The following FRMD4A variants were observed in gnomAD, a reference collection of about 807,000 sequenced individuals.
FRMD4A encodes the protein FERM domain containing 4A.
FRMD4A carries 29 observed loss-of-function variants against 129.1 expected under a neutral mutation model. The observed-to-expected ratio is 0.22, with a 90% CI of 0.17 to 0.31. The LOEUF is 0.31. Among genes scored for constraint, FRMD4A ranks in the 10% least tolerant of loss-of-function variants. The pLI is 1.00. For synonymous variants in FRMD4A, 634 were observed against 571.6 expected, an observed-to-expected ratio of 1.11 and a Z score of -1.56; for missense variants, 1,272 against 1,375.8, an observed-to-expected ratio of 0.92 and a Z score of 1.19.
intron 2 of FRMD4A, 69 bp from the exon 3 acceptor site, chr10:13,858,981 C>T (rs1347158843): frequency 2.3e-5 from 21 of 918,406 alleles, no homozygotes; most frequent in East Asian, 1.2e-4. Context: ...GGGTCGCCGA[C>T]GCTGCACTCT....
chr10:13,998,489 C>G (rs989328639), intron 2 of FRMD4A, among the ~76,000 whole-genome samples: 3 of 152,186 alleles, frequency 2.0e-5, no homozygotes, highest in African/African-American at 7.2e-5. Flanking sequence ...TTTTAACATC[C>G]TACTGTATAT....
At chr10:13,858,751 C>G in intron 3 of FRMD4A, 96 bp downstream of exon 3, 1 of 790,296 alleles carries the variant, frequency 1.3e-6, no homozygotes, top group Non-Finnish European at 2.3e-6. Flanking sequence ...GATTTAAAAA[C>G]AGTTTACCAA....
intron 2 of FRMD4A, among the ~76,000 whole-genome samples, chr10:14,155,990 T>TACAATA (rs1389761580): frequency 4.2e-4 from 64 of 152,314 alleles, no homozygotes; most frequent in African/African-American, 1.5e-3. Flanking sequence ...ATAGTAAATG[T>TACAATA]TAGGACACCT....
intron 2 of FRMD4A, among the ~76,000 whole-genome samples, chr10:14,209,158 G>A (rs929321582): frequency 4.6e-5 from 7 of 151,824 alleles, no homozygotes; most frequent in Admixed American, 1.3e-4. Flanking sequence ...CTCTGCTGCC[G>A]TCTTCACATG....
rs115966803 is a variant in FRMD4A, at chr10:13,713,208, C to T, written c.760-6095G>A. Among the ~76,000 whole-genome samples, 261 of 152,316 alleles carry T rather than the reference C, an allele frequency of 1.7e-3. 1 individual carries two copies. The highest frequency in any genetic ancestry group is 5.9e-3 in the African/African-American group (247 of 41,566). On this transcript the variant is annotated intron_variant, in intron 12 of 24. Transcript: ENST00000357447. ...GGGCTATTACACAGAATCACAGCAG[C>T]CATCTGGTCCACCTCCTCCTTGCAC...
At chr10:13,674,830 A>G in intron 16 of FRMD4A, 81 bp downstream of exon 16, 1 of 1,444,566 alleles carries the variant, frequency 6.9e-7, no homozygotes, top group Non-Finnish European at 9.7e-7. Context: ...AAATGACATC[A>G]AAAAGATCAA....
At chr10:14,156,241 G>C (rs957503143) in intron 2 of FRMD4A, among the ~76,000 whole-genome samples, 1 of 152,052 alleles carries the variant, frequency 6.6e-6, no homozygotes, top group Non-Finnish European at 1.5e-5. Flanking sequence ...CACCCATGAT[G>C]AGTGAATTAC....
intron 2 of FRMD4A, among the ~76,000 whole-genome samples, chr10:14,321,975 C>T (rs1349188977): frequency 6.6e-6 from 1 of 152,162 alleles, no homozygotes; most frequent in Non-Finnish European, 1.5e-5. Flanking sequence ...CTCCTGCTCC[C>T]ACCATGCAAG....
intron 8 of FRMD4A, among the ~76,000 whole-genome samples, chr10:13,760,870 CT>C (rs34812449): frequency 0.34 from 48,313 of 143,932 alleles, 8,444 homozygotes; most frequent in African/African-American, 0.47. Context: ...CTACCCTGGC[CT>C]TTTTTTTTTT....
chr10:14,066,342 C>T (rs1011638360), intron 2 of FRMD4A, among the ~76,000 whole-genome samples: 1 of 151,444 alleles, frequency 6.6e-6, no homozygotes, highest in Non-Finnish European at 1.5e-5. Flanking sequence ...GTTGTCCACA[C>T]AGGGAAGGGG....
At chr10:13,794,871 T>G (rs771651334) in intron 5 of FRMD4A, among the ~76,000 whole-genome samples, 3 of 152,224 alleles carry the variant, frequency 2.0e-5, no homozygotes, top group Non-Finnish European at 2.9e-5. Flanking sequence ...TAGCACCTAT[T>G]TAACCTCTGC....
At chr10:13,814,932 G>A (rs7084401) in intron 3 of FRMD4A, among the ~76,000 whole-genome samples, 57,263 of 151,770 alleles carry the variant, frequency 0.38, 10,936 homozygotes, top group Middle Eastern at 0.45. Flanking sequence ...GCCAATAGGT[G>A]TTGAATATTT....
chr10:13,844,544 T>A (rs1318784629), intron 3 of FRMD4A, among the ~76,000 whole-genome samples: 1 of 152,194 alleles, frequency 6.6e-6, no homozygotes, highest in African/African-American at 2.4e-5. Context: ...CACTTTATTG[T>A]AGTAACATAT....
chr10:13,764,466 A>T (rs2092204490), intron 6 of FRMD4A, among the ~76,000 whole-genome samples: 1 of 151,872 alleles, frequency 6.6e-6, no homozygotes, highest in Non-Finnish European at 1.5e-5. Context: ...TAATCATGCC[A>T]CTACACTCCA....
At chr10:14,026,296 A>T (rs1404079699) in intron 2 of FRMD4A, among the ~76,000 whole-genome samples, 1 of 152,210 alleles carries the variant, frequency 6.6e-6, no homozygotes, top group East Asian at 1.9e-4. Context: ...ATAGACACAG[A>T]CTTAATTCAA....
intron 2 of FRMD4A, among the ~76,000 whole-genome samples, chr10:14,063,431 A>G (rs1445379336): frequency 2.0e-5 from 3 of 152,182 alleles, no homozygotes; most frequent in African/African-American, 7.2e-5. Context: ...CAACACTAAG[A>G]TGAATTTTAT....
intron 3 of FRMD4A, among the ~76,000 whole-genome samples, chr10:13,848,943 G>A (rs946156312): frequency 2.0e-5 from 3 of 152,110 alleles, no homozygotes; most frequent in Non-Finnish European, 4.4e-5. Context: ...TTACCATTGC[G>A]TTATCTGTCT....
In FRMD4A at chr10:14,317,937, G is replaced by T. The variant is rs117248158; in HGVS notation, c.45+12121C>A. On this transcript the variant is annotated intron_variant, in intron 2 of 24. Coordinates refer to ENST00000357447, the MANE Select transcript of FRMD4A (RefSeq NM_018027.5). ...GCTAGAAAATTCAAAGTATATAAAAGGATGTACACTCAAAGGACCTCCGCT... is the reference window on the plus strand; with the variant it reads ...GCTAGAAAATTCAAAGTATATAAAATGATGTACACTCAAAGGACCTCCGCT... Among the ~76,000 whole-genome samples the T allele has an allele frequency of 5.5e-3, 839 of 152,196 alleles. 3 individuals carry two copies. Among genetic ancestry groups the T allele is most frequent in the Middle Eastern group, 0.01 (3 of 294 alleles).
chr10:13,967,198 T>G (rs577489356), intron 2 of FRMD4A, among the ~76,000 whole-genome samples: 20 of 152,202 alleles, frequency 1.3e-4, no homozygotes, highest in South Asian at 4.1e-4. Flanking sequence ...TTAGCCAGGC[T>G]TGGTGGCGGG....
Sources: gnomAD v4.1 joint callset for allele counts (sites outside exome capture counted in the v4.1 genomes callset) on GRCh38, gnomAD v4.1.1 for gene constraint, MANE v1.5 for transcripts, NCBI Gene and HGNC (gene_info 2026-07-23, HGNC 2026-07-21) for gene names.